FAR2: variants seen among roughly 807,000 people sequenced by gnomAD.
FAR2 encodes epididymis secretory protein Li 81.
In FAR2, 19 loss-of-function variants were observed where a neutral mutation model predicts 56.0. The observed-to-expected ratio is 0.34, with a 90% confidence interval of 0.24 to 0.50. The LOEUF is 0.50. Among genes scored for constraint, FAR2 ranks in the 20% least tolerant of loss-of-function variants. FAR2 has a pLI of 0.98. For synonymous variants in FAR2, 219 were observed against 218.8 expected, an observed-to-expected ratio of 1.00 and a Z score of -0.01; for missense variants, 508 against 642.2, an observed-to-expected ratio of 0.79 and a Z score of 2.26.
intron 1 of FAR2, among the ~76,000 whole-genome samples, chr12:29,214,918 TG>T (rs1433192910): frequency 6.6e-6 from 1 of 151,898 alleles, no homozygotes; most frequent in East Asian, 1.9e-4. Flanking sequence ...ATTAGATTAG[TG>T]GGTGGCTAGA....
intron 1 of FAR2, among the ~76,000 whole-genome samples, chr12:29,154,045 T>G (rs1949702775): frequency 6.6e-6 from 1 of 152,214 alleles, no homozygotes; most frequent in Admixed American, 6.5e-5. Context: ...CTCTACTGTT[T>G]GAATGATTTT....
intron 7 of FAR2, 40 bp downstream of exon 7, chr12:29,311,186 G>A (rs1192972227): frequency 1.4e-6 from 2 of 1,392,942 alleles, no homozygotes; most frequent in Non-Finnish European, 2.0e-6. Context: ...CTTCATGAGG[G>A]GCAGAGTGAA....
chr12:29,253,336 T>G (rs1948261447), intron 1 of FAR2, among the ~76,000 whole-genome samples: 1 of 151,430 alleles, frequency 6.6e-6, no homozygotes, highest in African/African-American at 2.4e-5. Context: ...TAGATAGATA[T>G]CTATATATCT....
chr12:29,297,945 A>C (rs1300882883), intron 4 of FAR2, among the ~76,000 whole-genome samples: 1 of 150,544 alleles, frequency 6.6e-6, no homozygotes, highest in Non-Finnish European at 1.5e-5. Flanking sequence ...GAACCTGGGG[A>C]GAATCGCTTG....
At chr12:29,322,166 A>G (rs1459089645) in intron 10 of FAR2, among the ~76,000 whole-genome samples, 1 of 152,142 alleles carries the variant, frequency 6.6e-6, no homozygotes, top group Non-Finnish European at 1.5e-5. Context: ...ATCTGCCAAC[A>G]TGTTTTATCT....
chr12:29,262,786 G>A (rs2136695460), intron 1 of FAR2, among the ~76,000 whole-genome samples: 1 of 151,938 alleles, frequency 6.6e-6, no homozygotes, highest in South Asian at 2.1e-4. Context: ...GCAGAGGGAA[G>A]TCATTACTTA....
At chr12:29,310,242 T>C (rs1356649060) in intron 6 of FAR2, among the ~76,000 whole-genome samples, 1 of 152,204 alleles carries the variant, frequency 6.6e-6, no homozygotes, top group Admixed American at 6.5e-5. Context: ...TTACATTTTC[T>C]AAAATGTTCT....
In FAR2 at chr12:29,229,739, A is replaced by G. The variant is rs575126540; in HGVS notation, c.-38-40673A>G. ...GAATAATCATAATCAATTGTATCAT[A>G]CAGATAAGCATAACATTACAACTGT... On this transcript the variant is annotated intron_variant, in intron 1 of 11. Transcript: ENST00000536681. Among the ~76,000 whole-genome samples the G allele has an allele frequency of 2.6e-5, 4 of 152,334 alleles. No homozygotes were observed. The South Asian group carries it at 8.3e-4, about 32-fold the overall frequency.
At chr12:29,329,785 C>G (rs1949704601) in intron 10 of FAR2, among the ~76,000 whole-genome samples, 1 of 151,984 alleles carries the variant, frequency 6.6e-6, no homozygotes, top group East Asian at 1.9e-4. Context: ...CAAAAAAATA[C>G]ATATAATGAA....
At chr12:29,260,197 A>G (rs1265484124) in intron 1 of FAR2, among the ~76,000 whole-genome samples, 1 of 152,192 alleles carries the variant, frequency 6.6e-6, no homozygotes, top group African/African-American at 2.4e-5. Context: ...AGTAATGGCA[A>G]ACACTGCAAT....
chr12:29,199,233 C>T (rs1048020179), intron 1 of FAR2, among the ~76,000 whole-genome samples: 2 of 152,058 alleles, frequency 1.3e-5, no homozygotes, highest in African/African-American at 2.4e-5. Flanking sequence ...CAAATTTTAT[C>T]GTGAATCATA....
intron 1 of FAR2, among the ~76,000 whole-genome samples, chr12:29,183,747 C>G (rs759848123): frequency 1.3e-5 from 2 of 152,160 alleles, no homozygotes; most frequent in African/African-American, 2.4e-5. Context: ...TAGGACTTTT[C>G]CATAAGACAG....
At chr12:29,230,164 G>T (rs775278786) in intron 1 of FAR2, among the ~76,000 whole-genome samples, 8 of 152,136 alleles carry the variant, frequency 5.3e-5, no homozygotes, top group Non-Finnish European at 1.0e-4. Context: ...CAGATGACTA[G>T]AAACAGATGA....
chr12:29,162,533 G>T (rs2136578994), intron 1 of FAR2, among the ~76,000 whole-genome samples: 1 of 152,194 alleles, frequency 6.6e-6, no homozygotes, highest in Non-Finnish European at 1.5e-5. Context: ...TGGTCTAATA[G>T]ATTAAGTAAA....
chr12:29,173,777 C>T (rs1246497799), intron 1 of FAR2, among the ~76,000 whole-genome samples: 4 of 152,050 alleles, frequency 2.6e-5, no homozygotes, highest in East Asian at 1.9e-4. Context: ...CCCAAGAACC[C>T]GCGACAGTCC....
At chr12:29,316,371 T>A (rs941926542) in intron 8 of FAR2, among the ~76,000 whole-genome samples, 1 of 152,142 alleles carries the variant, frequency 6.6e-6, no homozygotes, top group African/African-American at 2.4e-5. Flanking sequence ...CACAAAGAAA[T>A]CTTGCCTTGA....
chr12:29,297,606 G>A (rs1480157359), intron 4 of FAR2, among the ~76,000 whole-genome samples: 1 of 152,200 alleles, frequency 6.6e-6, no homozygotes, highest in Non-Finnish European at 1.5e-5. Context: ...CTGTGTGACT[G>A]AGCAAATTCC....
At chr12:29,231,232 G>T (rs1399503175) in intron 1 of FAR2, among the ~76,000 whole-genome samples, 1 of 152,156 alleles carries the variant, frequency 6.6e-6, no homozygotes, top group Non-Finnish European at 1.5e-5. Context: ...CACTGTGGTG[G>T]CTTAGGTCAT....
rs187590594 is a variant in FAR2 at position 29,195,038 on chromosome 12, T to C, written c.-39+45631T>C. On this transcript the variant is annotated intron_variant, in intron 1 of 11. Coordinates refer to ENST00000536681, the MANE Select transcript of FAR2 (RefSeq NM_001271783.2). ...GTAAGCCTTTTTGGATTCCAGCATA[T>C]GAGGCTTTTGTGTCTCTACCTTTTG... 5.7e-4 allele frequency among the ~76,000 whole-genome samples: 87 copies of C among 152,332 alleles called. 2 individuals carry two copies. The highest frequency in any genetic ancestry group is 1.0e-3 in the South Asian group (5 of 4,834).
Sources: gnomAD v4.1 joint callset for allele counts (sites outside exome capture counted in the v4.1 genomes callset) on GRCh38, gnomAD v4.1.1 for gene constraint, MANE v1.5 for transcripts, NCBI Gene and HGNC (gene_info 2026-07-23, HGNC 2026-07-21) for gene names.